PIBF1: variants seen among roughly 807,000 people sequenced by gnomAD.
PIBF1 encodes the protein progesterone immunomodulatory binding factor 1.
PIBF1 carries 90 observed loss-of-function variants against 112.5 expected under a neutral mutation model. That is an observed-to-expected ratio of 0.80 (90% CI 0.67 to 0.95). PIBF1 has a LOEUF of 0.95. Among genes scored for constraint, PIBF1 ranks in the 40% least tolerant of loss-of-function variants. PIBF1 has a pLI of 0.00. For missense variants in PIBF1, 915 were observed against 852.3 expected, an observed-to-expected ratio of 1.07 and a Z score of -0.92; for synonymous variants, 301 against 288.6, an observed-to-expected ratio of 1.04 and a Z score of -0.44.
intron 5 of PIBF1, among the ~76,000 whole-genome samples, chr13:72,808,469 T>C (rs760339937): frequency 6.6e-6 from 1 of 152,216 alleles, no homozygotes; most frequent in Non-Finnish European, 1.5e-5. Flanking sequence ...GTGAGTATTA[T>C]GTTGTTGAGA....
chr13:72,866,759 C>G (rs945743910), intron 10 of PIBF1, among the ~76,000 whole-genome samples: 4 of 151,990 alleles, frequency 2.6e-5, no homozygotes, highest in Non-Finnish European at 4.4e-5. Context: ...GTTTGAGATC[C>G]TTTAGATTTG....
intron 2 of PIBF1, among the ~76,000 whole-genome samples, chr13:72,787,833 A>G (rs1397328799): frequency 5.3e-5 from 8 of 151,864 alleles, no homozygotes; most frequent in Non-Finnish European, 1.0e-4. Flanking sequence ...TAAGTTTTGT[A>G]TTTTTGGTAG....
intron 16 of PIBF1, among the ~76,000 whole-genome samples, chr13:72,996,097 G>GC (rs1302481485): frequency 8.9e-6 from 1 of 112,714 alleles, no homozygotes; most frequent in Non-Finnish European, 1.8e-5. Context: ...CGGGGGGGGG[G>GC]GGTCATAAAC....
intron 10 of PIBF1, among the ~76,000 whole-genome samples, chr13:72,891,120 T>A (rs184159942): frequency 6.6e-5 from 10 of 152,278 alleles, no homozygotes; most frequent in Admixed American, 4.6e-4. Context: ...AACTTTTCAA[T>A]ATAAGGAAAT....
At chr13:72,927,966 T>TATATATATACAC in intron 13 of PIBF1, among the ~76,000 whole-genome samples, 1 of 99,426 alleles carries the variant, frequency 1.0e-5, no homozygotes, top group East Asian at 2.6e-4. Context: ...TATACACATA[T>TATATATATACAC]ATATATATAT....
intron 9 of PIBF1, among the ~76,000 whole-genome samples, chr13:72,838,711 A>T (rs2037466403): frequency 6.6e-6 from 1 of 152,170 alleles, no homozygotes; most frequent in Non-Finnish European, 1.5e-5. Flanking sequence ...ACATACCCCC[A>T]AGTTAGGTTT....
chr13:72,956,485 A>G (rs902861328), intron 14 of PIBF1, among the ~76,000 whole-genome samples: 5 of 152,102 alleles, frequency 3.3e-5, no homozygotes, highest in African/African-American at 4.8e-5. Context: ...CATGTCAGCT[A>G]CACTCTCCTC....
Position 72,827,101 on chromosome 13 carries a change from A to G in PIBF1, c.898A>G (p.Ser300Gly), listed in dbSNP as rs1178853536. Residue 300 changes from serine to glycine, a missense_variant, in exon 7 of 18, where the codon AGT becomes GGT. By Grantham distance (56) the Ser-to-Gly change is moderately conservative. Transcript: ENST00000326291. ...ASHMIQTKER[S>G]ELSKEVVTLE... is the part of the protein sequence containing the mutation. ...TCACATGATTCAAACAAAAGAACGA[A>G]GTGAATTATCAAAAGAGGTAAGCTT... 1.3e-6 allele frequency: 2 copies of G among 1,577,360 alleles called. No homozygotes were observed. Among genetic ancestry groups the G allele is most frequent in the Admixed American group, 1.7e-5 (1 of 57,348 alleles).
intron 10 of PIBF1, among the ~76,000 whole-genome samples, chr13:72,886,426 A>T (rs2039856117): frequency 6.6e-6 from 1 of 151,910 alleles, no homozygotes; most frequent in South Asian, 2.1e-4. Flanking sequence ...AGTGTTATAA[A>T]GTTTTTATAA....
chr13:72,818,953 C>T (rs1410902520), intron 5 of PIBF1, among the ~76,000 whole-genome samples: 2 of 152,068 alleles, frequency 1.3e-5, no homozygotes, highest in African/African-American at 4.8e-5. Flanking sequence ...CAGTTTTCCA[C>T]GTTTCTTGTC....
At chr13:72,992,939 G>A (rs531453480) in intron 16 of PIBF1, among the ~76,000 whole-genome samples, 1 of 152,228 alleles carries the variant, frequency 6.6e-6, no homozygotes, top group East Asian at 1.9e-4. Context: ...GCAATAAACA[G>A]ATAAACTGGG....
chr13:72,889,159 C>G (rs1439441803), intron 10 of PIBF1, among the ~76,000 whole-genome samples: 2 of 152,042 alleles, frequency 1.3e-5, no homozygotes, highest in Non-Finnish European at 2.9e-5. Context: ...AAAATATTTA[C>G]TTGTGCAGAG....
chr13:72,796,329 G>A (rs1008936071), intron 4 of PIBF1, among the ~76,000 whole-genome samples: 10 of 152,138 alleles, frequency 6.6e-5, no homozygotes, highest in African/African-American at 2.4e-4. Flanking sequence ...GGCGAGTGGG[G>A]CAGAGTCCAG....
chr13:72,823,726 C>A (rs2036671383), intron 6 of PIBF1, among the ~76,000 whole-genome samples: 1 of 152,088 alleles, frequency 6.6e-6, no homozygotes, highest in Non-Finnish European at 1.5e-5. Flanking sequence ...CAGTTAAAAT[C>A]ATTAAATTAG....
chr13:72,805,268 G>C (rs777764221), intron 5 of PIBF1, among the ~76,000 whole-genome samples: 1 of 152,062 alleles, frequency 6.6e-6, no homozygotes, highest in African/African-American at 2.4e-5. Flanking sequence ...TCAACCTCCC[G>C]AGTAGCTGGG....
intron 10 of PIBF1, among the ~76,000 whole-genome samples, chr13:72,885,203 TG>T (rs2039798942): frequency 6.6e-6 from 1 of 152,168 alleles, no homozygotes. Flanking sequence ...GTATATTTTT[TG>T]GAAGTTTAAT....
chr13:72,938,407 C>T (rs984523721), intron 14 of PIBF1, among the ~76,000 whole-genome samples: 2 of 152,092 alleles, frequency 1.3e-5, no homozygotes, highest in African/African-American at 4.8e-5. Flanking sequence ...CTCTCTCTCT[C>T]TCTATGGATT....
chr13:72,887,379 T>C, intron 10 of PIBF1, among the ~76,000 whole-genome samples: 1 of 151,894 alleles, frequency 6.6e-6, no homozygotes, highest in East Asian at 1.9e-4. Context: ...TGTATACTTT[T>C]TGTTTTCTTA....
chr13:72,796,876 C>T (rs183683212), intron 4 of PIBF1, among the ~76,000 whole-genome samples: 2 of 152,074 alleles, frequency 1.3e-5, no homozygotes, highest in Admixed American at 6.6e-5. Context: ...TAATTATATG[C>T]AGATTCTTTT....
Sources: allele counts gnomAD v4.1 joint callset (sites outside exome capture counted in the v4.1 genomes callset), GRCh38; gene constraint gnomAD v4.1.1; transcripts MANE v1.5; gene names NCBI Gene and HGNC (gene_info 2026-07-23, HGNC 2026-07-21).